Variants in KIF13A observed in about 807,000 individuals in gnomAD.
The protein encoded by KIF13A is kinesin family member 13A.
A neutral mutation model predicts 212.2 loss-of-function variants in KIF13A; 79 were observed. That is an observed-to-expected ratio of 0.37 (90% CI 0.31 to 0.45). KIF13A has a LOEUF of 0.45. Among genes scored for constraint, KIF13A ranks in the 20% least tolerant of loss-of-function variants. The probability of loss-of-function intolerance (pLI) is 1.00; values close to 1 mark genes in which losing one functional copy is unlikely to be tolerated. For missense variants in KIF13A, 1,901 were observed against 2,209.0 expected (o/e 0.86, Z 2.79); for synonymous variants, 789 against 808.6 (o/e 0.98, Z 0.41).
In KIF13A at chr6:17,856,150, T is replaced by A; in HGVS notation, c.221-28A>T. 1 of 1,402,182 alleles carries A rather than the reference T, an allele frequency of 7.1e-7. No homozygotes were observed. The highest frequency in any genetic ancestry group is 1.4e-5 in the African/African-American group (1 of 69,178). The allele number at this position is 1,402,182 out of a possible 1,614,324, so 86.9% of individuals were successfully genotyped here. A position where few individuals can be genotyped will look rare whatever the true frequency, so the allele number is the denominator to read the frequency against. The stretch of plus-strand genomic sequence containing the variant: ...AAAAAACAAGACAAATATTAAAAAC[T>A]AATAAAAAGAATAATTTTTCTTGAC... On this transcript the variant is annotated intron_variant, in intron 4 of 38. Coordinates refer to ENST00000259711, the MANE Select transcript of KIF13A (RefSeq NM_022113.6). The surrounding 1 kb of genome is among the most constrained non-coding windows in gnomAD (Gnocchi z 4.5).
chr6:17,817,253 G>A lies in KIF13A; in HGVS notation c.1787-20C>T, dbSNP rs1358627606. On this transcript the variant is annotated intron_variant, in intron 16 of 38. Transcript: ENST00000259711. The stretch of plus-strand genomic sequence containing the variant: ...CTGGGTCTAGTGAGCCAAGAGACAA[G>A]GCAAGGTGTCTTAGTGGCGGCTAAA... 6.8e-6 allele frequency: 11 copies of A among 1,606,912 alleles called. No homozygotes were observed. The East Asian group carries it at 8.9e-5, about 13-fold the overall frequency.
intron 4 of KIF13A, among the ~76,000 whole-genome samples, chr6:17,867,053 C>T (rs1178367183): frequency 6.6e-6 from 1 of 151,898 alleles, no homozygotes; most frequent in Admixed American, 6.6e-5. Context: ...CTAAATCACC[C>T]CAGCTGGGAG....
chr6:17,808,944 G>GA lies in KIF13A; in HGVS notation c.2001-15dup. ...AAGAGTTCATCCCTGCAGTGTCATA[G>GA]AAAAGGGAACGAGAAAATCTAAAGG... On this transcript the variant is annotated splice_polypyrimidine_tract_variant and intron_variant, in intron 17 of 38. Coordinates refer to ENST00000259711, the MANE Select transcript of KIF13A (RefSeq NM_022113.6). The GA allele has an allele frequency of 6.4e-7, 1 of 1,564,162 alleles. No individual in the cohort carries two copies. Among genetic ancestry groups the GA allele is most frequent in the Non-Finnish European group, 8.7e-7 (1 of 1,155,108 alleles).
At chr6:17,876,683 A>T (rs1770590472) in intron 3 of KIF13A, among the ~76,000 whole-genome samples, 1 of 152,114 alleles carries the variant, frequency 6.6e-6, no homozygotes, top group Non-Finnish European at 1.5e-5. Context: ...TCTGTTGCCC[A>T]GACTGGAGTG....
chr6:17,802,932 G>GT (rs750485926), intron 20 of KIF13A, among the ~76,000 whole-genome samples: 4,918 of 110,870 alleles, frequency 0.044, 122 homozygotes, highest in Middle Eastern at 0.068. Flanking sequence ...TGTTTTTTTT[G>GT]TTTTTTTTTG....
In KIF13A at chr6:17,816,851, C is replaced by G. The variant is rs1468714382; in HGVS notation, c.2000+169G>C. ...AACAGCTAACATTATAGTAAACATA[C>G]TTAGGGTGGACAATATTTGTGAAAG... is the stretch of plus-strand genomic sequence containing the variant. On this transcript the variant is annotated intron_variant, in intron 17 of 38. Transcript: ENST00000259711. The surrounding 1 kb of genome is among the most constrained non-coding windows in gnomAD (Gnocchi z 4.3). Among the ~76,000 whole-genome samples, 1 of 152,098 alleles carries G rather than the reference C, an allele frequency of 6.6e-6. No individual in the cohort carries two copies. The highest frequency in any genetic ancestry group is 1.5e-5 in the Non-Finnish European group (1 of 68,018).
In KIF13A at chr6:17,892,498, A is replaced by G. The variant is rs942686146; in HGVS notation, c.159+5670T>C. On this transcript the variant is annotated intron_variant, in intron 3 of 38. Coordinates refer to ENST00000259711, the MANE Select transcript of KIF13A (RefSeq NM_022113.6). This position sits in a 1 kb window ranked among gnomAD's most constrained non-coding sequence, Gnocchi z 4.7. Reference sequence around the variant, plus strand: ...ACAGCTGGGTGATACATCACTGTGCAGTGATAAGAGTGTCTTTTGTATGCT... The same window carrying G: ...ACAGCTGGGTGATACATCACTGTGCGGTGATAAGAGTGTCTTTTGTATGCT... Among the ~76,000 whole-genome samples, 3 of 152,224 alleles carry G rather than the reference A, an allele frequency of 2.0e-5. No individual in the cohort carries two copies. The highest frequency in any genetic ancestry group is 4.4e-5 in the Non-Finnish European group (3 of 68,040).
intron 16 of KIF13A, among the ~76,000 whole-genome samples, chr6:17,818,233 A>T (rs1187733660): frequency 6.6e-6 from 1 of 152,168 alleles, no homozygotes; most frequent in Non-Finnish European, 1.5e-5. Flanking sequence ...TTGTACATTC[A>T]CACATTTGCC....
chr6:17,797,381 G>A (rs549905725), intron 22 of KIF13A, among the ~76,000 whole-genome samples: 1 of 152,268 alleles, frequency 6.6e-6, no homozygotes, highest in East Asian at 1.9e-4. Context: ...ATTGTCCAAA[G>A]TCATACGGTT....
chr6:17,800,568 T>C (rs1762391617), intron 20 of KIF13A, among the ~76,000 whole-genome samples: 1 of 150,864 alleles, frequency 6.6e-6, no homozygotes, highest in East Asian at 1.9e-4. Context: ...TTCTGAGTAG[T>C]TGGGATTACA....
chr6:17,802,933 T>G (rs934271348), intron 20 of KIF13A, among the ~76,000 whole-genome samples: 7 of 119,568 alleles, frequency 5.9e-5, no homozygotes, highest in African/African-American at 8.3e-5. Flanking sequence ...GTTTTTTTTG[T>G]TTTTTTTTGT....
rs112691864 is a variant in KIF13A at position 17,918,224 on chromosome 6, T to C, written c.147-20044A>G. Among the ~76,000 whole-genome samples, 1,062 of 152,068 alleles carry C rather than the reference T, an allele frequency of 7.0e-3. 14 individuals carry two copies. The highest frequency in any genetic ancestry group is 0.024 in the African/African-American group (995 of 41,446). ...GAGGCCGGGTCACACTCACCCTGGG[T>C]TCTCTCCTATCGGGTCTGGCATAGT... is the stretch of plus-strand genomic sequence containing the variant. On this transcript the variant is annotated intron_variant, in intron 2 of 38. Transcript: ENST00000259711. This position sits in a 1 kb window ranked among gnomAD's most constrained non-coding sequence, Gnocchi z 4.8.
chr6:17,949,698 CACTTTT>C (rs1301479392), intron 2 of KIF13A, among the ~76,000 whole-genome samples: 2 of 152,174 alleles, frequency 1.3e-5, no homozygotes, highest in Admixed American at 6.5e-5. Context: ...TGCATACACA[CACTTTT>C]ACTTTTAATG....
chr6:17,827,785 G>T (rs970577451), intron 14 of KIF13A, among the ~76,000 whole-genome samples: 1 of 152,068 alleles, frequency 6.6e-6, no homozygotes, highest in African/African-American at 2.4e-5. Context: ...GCCTCCTAAA[G>T]TGCTGGGATT....
intron 38 of KIF13A, among the ~76,000 whole-genome samples, chr6:17,766,194 A>G (rs575193928): frequency 8.7e-5 from 13 of 148,964 alleles, no homozygotes; most frequent in East Asian, 3.9e-4. Context: ...TTTGCATTTT[A>G]TTAATTTACT....
At chr6:17,966,291 A>G (rs913732982) in intron 2 of KIF13A, among the ~76,000 whole-genome samples, 6 of 152,100 alleles carry the variant, frequency 3.9e-5, no homozygotes, top group African/African-American at 1.4e-4. Flanking sequence ...GCTATTTTTT[A>G]TTTTATTTTT....
chr6:17,873,526 A>G (rs1323389647), intron 3 of KIF13A, 89 bp from the exon 4 acceptor site: 1 of 878,156 alleles, frequency 1.1e-6, no homozygotes, highest in Non-Finnish European at 1.8e-6. Context: ...TGAAGATGAG[A>G]AGGATGGCCA....
chr6:17,950,822 A>G (rs751334832), intron 2 of KIF13A: 30 of 979,174 alleles, frequency 3.1e-5, no homozygotes, highest in Non-Finnish European at 3.6e-5. Context: ...TTAATTTTGC[A>G]TTTCTTAAAA....
At position 17,777,204 on chromosome 6, in the gene KIF13A, G is replaced by A. The variant is rs1229156173; in HGVS notation, c.4170+73C>T. 2 of 1,210,618 alleles carry A rather than the reference G, an allele frequency of 1.7e-6. No individual in the cohort carries two copies. Among genetic ancestry groups the A allele is most frequent in the Non-Finnish European group, 2.4e-6 (2 of 832,824 alleles). The allele number at this position is 1,210,618 out of a possible 1,614,324, so 75.0% of individuals were successfully genotyped here. A position where few individuals can be genotyped will look rare whatever the true frequency, so the allele number is the denominator to read the frequency against. On this transcript the variant is annotated intron_variant, in intron 34 of 38. Transcript: ENST00000259711. This position sits in a 1 kb window ranked among gnomAD's most constrained non-coding sequence, Gnocchi z 4.4. ...TCCATAAGCTCTACTGCCACTGTGTGAATCCCACCTTCCCCCACCCCAGAG... is the reference window on the plus strand; with the variant it reads ...TCCATAAGCTCTACTGCCACTGTGTAAATCCCACCTTCCCCCACCCCAGAG...
Sources: allele counts gnomAD v4.1 joint callset (sites outside exome capture counted in the v4.1 genomes callset), GRCh38; gene constraint gnomAD v4.1.1; non-coding constraint Gnocchi (gnomAD v3.1); transcripts MANE v1.5; gene names NCBI Gene and HGNC (gene_info 2026-07-23, HGNC 2026-07-21).